The following NUCKS1 variants were observed in gnomAD, a reference collection of about 807,000 sequenced individuals.
NUCKS1 encodes nuclear ubiquitous casein and cyclin-dependent kinase substrate 1.
NUCKS1 carries 2 observed loss-of-function variants against 33.0 expected under a neutral mutation model. The ratio of observed to expected loss-of-function variants is 0.06; its 90% CI spans 0.02 to 0.19. The LOEUF (loss-of-function observed/expected upper bound fraction) is 0.19, where lower values mean the gene tolerates loss of function less well. NUCKS1 is among the 10% of genes least tolerant of loss of function. The pLI is 1.00. For missense variants in NUCKS1, 201 were observed against 293.6 expected, an observed-to-expected ratio of 0.68 and a Z score of 2.31; for synonymous variants, 106 against 102.8, an observed-to-expected ratio of 1.03 and a Z score of -0.19.
intron 1 of NUCKS1, among the ~76,000 whole-genome samples, chr1:205,730,537 A>G (rs1351030699): frequency 6.6e-6 from 1 of 150,408 alleles, no homozygotes; most frequent in African/African-American, 2.5e-5. Flanking sequence ...CGCCCAGGCT[A>G]GAGTGCAATG....
chr1:205,744,630 G>GTTTTTTGTT (rs1553253163), intron 1 of NUCKS1, among the ~76,000 whole-genome samples: 1 of 87,786 alleles, frequency 1.1e-5, no homozygotes, highest in Non-Finnish European at 2.0e-5. Flanking sequence ...GTTCACTAGA[G>GTTTTTTGTT]TTTTTTTTTT....
chr1:205,749,665 T>G (rs1436745024), intron 1 of NUCKS1, among the ~76,000 whole-genome samples: 2 of 151,562 alleles, frequency 1.3e-5, no homozygotes, highest in Non-Finnish European at 2.9e-5. Flanking sequence ...CTCCGGCCGC[T>G]GGCGGCTCAG....
In NUCKS1 at chr1:205,749,946, T is replaced by C. The variant is rs779796542; in HGVS notation, c.17+11A>G. ...CTCCAACCCGCTCCAGGCCTCAGACTCCGCACTGACCTGACAGGCCGCGAC... is the reference window on the plus strand; with the variant it reads ...CTCCAACCCGCTCCAGGCCTCAGACCCCGCACTGACCTGACAGGCCGCGAC... On this transcript the variant is annotated intron_variant, in intron 1 of 6. Coordinates refer to ENST00000367142, the MANE Select transcript of NUCKS1 (RefSeq NM_022731.5). 6.3e-7 allele frequency: 1 copy of C among 1,587,074 alleles called. No homozygotes were observed. The highest frequency in any genetic ancestry group is 8.6e-7 in the Non-Finnish European group (1 of 1,168,334).
intron 1 of NUCKS1, among the ~76,000 whole-genome samples, chr1:205,738,203 T>C (rs557374809): frequency 6.6e-6 from 1 of 152,198 alleles, no homozygotes; most frequent in East Asian, 1.9e-4. Flanking sequence ...TTTTTTTGTA[T>C]TTTTAGTAGA....
chr1:205,732,795 A>AAAAAAAG (rs1653947239), intron 1 of NUCKS1, among the ~76,000 whole-genome samples: 1 of 149,776 alleles, frequency 6.7e-6, no homozygotes, highest in Non-Finnish European at 1.5e-5. Flanking sequence ...AAAAAAAAAA[A>AAAAAAAG]GTTAAGATGG....
At chr1:205,740,600 A>AC (rs1654145632) in intron 1 of NUCKS1, among the ~76,000 whole-genome samples, 1 of 152,052 alleles carries the variant, frequency 6.6e-6, no homozygotes, top group Admixed American at 6.5e-5. Context: ...ACAGATTGAG[A>AC]CCCCATCTCA....
chr1:205,744,677 G>C (rs1289336400), intron 1 of NUCKS1, among the ~76,000 whole-genome samples: 1 of 116,110 alleles, frequency 8.6e-6, no homozygotes, highest in Non-Finnish European at 1.6e-5. Flanking sequence ...TTGTTGCCCA[G>C]GCTCCAGTGC....
chr1:205,737,990 T>C (rs1654070655), intron 1 of NUCKS1, among the ~76,000 whole-genome samples: 1 of 152,212 alleles, frequency 6.6e-6, no homozygotes, highest in African/African-American at 2.4e-5. Flanking sequence ...AGAAAACTGC[T>C]AAACTTTACC....
At chr1:205,720,821 T>C (rs1671905128) in intron 4 of NUCKS1, among the ~76,000 whole-genome samples, 168 bp from the exon 5 acceptor site, 3 of 152,210 alleles carry the variant, frequency 2.0e-5, no homozygotes. Context: ...GGGCAAATTC[T>C]ATCCTTCAAC....
chr1:205,716,985 T>C lies in NUCKS1; in HGVS notation c.*1295A>G, dbSNP rs377565514. The C allele has an allele frequency of 1.3e-4, 20 of 152,336 alleles. No individual in the cohort carries two copies. The highest frequency in any genetic ancestry group is 4.8e-4 in the African/African-American group (20 of 41,560). The allele number at this position is 152,336 out of a possible 1,614,324, so 9.4% of individuals were successfully genotyped here. A position where few individuals can be genotyped will look rare whatever the true frequency, so the allele number is the denominator to read the frequency against. ...AATTGTATGGGAGCAGCATTTAACA[T>C]ATTCCTAGTCAAGGACAGGATGGGA... On this transcript the variant is annotated 3_prime_UTR_variant, in exon 7 of 7. Coordinates refer to ENST00000367142, the MANE Select transcript of NUCKS1 (RefSeq NM_022731.5).
At chr1:205,720,779 G>C in intron 4 of NUCKS1, 126 bp from the exon 5 acceptor site, 4 of 874,072 alleles carry the variant, frequency 4.6e-6, no homozygotes, top group Non-Finnish European at 6.8e-6. Flanking sequence ...GCCAATATAG[G>C]ATATAATCTG....
At chr1:205,739,561 C>T (rs778835352) in intron 1 of NUCKS1, among the ~76,000 whole-genome samples, 1 of 152,110 alleles carries the variant, frequency 6.6e-6, no homozygotes, top group Non-Finnish European at 1.5e-5. Context: ...CAATGTGGAC[C>T]TCCTGGGCTC....
intron 2 of NUCKS1, among the ~76,000 whole-genome samples, chr1:205,729,129 C>T (rs1427977041): frequency 1.3e-5 from 2 of 152,074 alleles, no homozygotes; most frequent in African/African-American, 2.4e-5. Context: ...CCAACACTCC[C>T]GGCTAATTTT....
chr1:205,744,144 G>T (rs1654251791), intron 1 of NUCKS1, among the ~76,000 whole-genome samples: 1 of 152,132 alleles, frequency 6.6e-6, no homozygotes, highest in Admixed American at 6.5e-5. Context: ...ATTATGAACT[G>T]TAACTTGCTC....
chr1:205,724,936 G>A (rs1231463575), intron 3 of NUCKS1, among the ~76,000 whole-genome samples: 3 of 152,154 alleles, frequency 2.0e-5, no homozygotes, highest in Non-Finnish European at 2.9e-5. Context: ...GAGCTTCAAA[G>A]TTCAATGGAA....
intron 1 of NUCKS1, among the ~76,000 whole-genome samples, chr1:205,737,848 C>A (rs1188138369): frequency 6.6e-6 from 1 of 152,124 alleles, no homozygotes; most frequent in Admixed American, 6.5e-5. Context: ...ACAGAATTGT[C>A]CAACCTGTGT....
chr1:205,730,933 C>G (rs1226316874), intron 1 of NUCKS1, among the ~76,000 whole-genome samples: 2 of 152,114 alleles, frequency 1.3e-5, no homozygotes, highest in Non-Finnish European at 2.9e-5. Context: ...TGATATTTTA[C>G]TCTTACTGCT....
intron 1 of NUCKS1, among the ~76,000 whole-genome samples, chr1:205,744,419 GAGTTGCTC>G (rs1466665627): frequency 1.3e-5 from 2 of 152,146 alleles, no homozygotes; most frequent in Non-Finnish European, 2.9e-5. Context: ...TGGCATCTAA[GAGTTGCTC>G]AGTAATTGCT....
intron 2 of NUCKS1, among the ~76,000 whole-genome samples, chr1:205,729,110 A>G (rs1421898263): frequency 6.6e-6 from 1 of 152,174 alleles, no homozygotes; most frequent in African/African-American, 2.4e-5. Context: ...CTGGGATTAC[A>G]GGTGCATGCC....
Sources: allele counts gnomAD v4.1 joint callset (sites outside exome capture counted in the v4.1 genomes callset), GRCh38; gene constraint gnomAD v4.1.1; transcripts MANE v1.5; gene names NCBI Gene and HGNC (gene_info 2026-07-23, HGNC 2026-07-21).